ALOX5AP: variants seen among roughly 807,000 people sequenced by gnomAD.
ALOX5AP encodes the protein arachidonate 5-lipoxygenase activating protein.
ALOX5AP carries 9 observed loss-of-function variants against 18.5 expected under a neutral mutation model. The ratio of observed to expected loss-of-function variants is 0.49; its 90% CI spans 0.29 to 0.85. The LOEUF is 0.85. Ranked by LOEUF, ALOX5AP falls within the 40% of genes least tolerant of loss-of-function variation. The pLI is 0.08. For synonymous variants in ALOX5AP, 81 were observed against 78.6 expected (o/e 1.03, Z -0.16); for missense variants, 172 against 202.5 (o/e 0.85, Z 0.91).
intron 4 of ALOX5AP, among the ~76,000 whole-genome samples, chr13:30,760,933 A>T (rs867445522): frequency 6.6e-6 from 1 of 152,012 alleles, no homozygotes; most frequent in African/African-American, 2.4e-5. Flanking sequence ...AACATGAAAG[A>T]GATGTCCTCC....
chr13:30,748,474 A>G (rs906617579), intron 2 of ALOX5AP, among the ~76,000 whole-genome samples: 7 of 152,238 alleles, frequency 4.6e-5, no homozygotes, highest in Admixed American at 4.6e-4. Context: ...CAGCACATCA[A>G]GTTGAACATA....
At chr13:30,717,917 G>A (rs9742796) in intron 1 of ALOX5AP, among the ~76,000 whole-genome samples, 26,433 of 151,800 alleles carry the variant, frequency 0.17, 3,357 homozygotes, top group African/African-American at 0.35. Flanking sequence ...TTGACGGGCA[G>A]GTGAAAGGGG....
intron 1 of ALOX5AP, among the ~76,000 whole-genome samples, chr13:30,720,797 T>C (rs1020034835): frequency 2.0e-5 from 3 of 152,236 alleles, no homozygotes; most frequent in Admixed American, 2.0e-4. Context: ...TCCTTGCATG[T>C]TGCAAAATTT....
At position 30,764,375 on chromosome 13, in the gene ALOX5AP, G is replaced by C. The variant is rs1351900452; in HGVS notation, c.*269G>C. 1 of 365,880 alleles carries C rather than the reference G, an allele frequency of 2.7e-6. No individual in the cohort carries two copies. Among genetic ancestry groups the C allele is most frequent in the Non-Finnish European group, 4.9e-6 (1 of 204,826 alleles). The allele number at this position is 365,880 out of a possible 1,614,324, so 22.7% of individuals were successfully genotyped here. A position where few individuals can be genotyped will look rare whatever the true frequency, so the allele number is the denominator to read the frequency against. ...ATCCTGTTCTCTGAAGATGTTTTGT[G>C]ACCAGGTTTGTGTTTTCTTAAAATA... On this transcript the variant is annotated 3_prime_UTR_variant, in exon 5 of 5. Transcript: ENST00000380490.
At chr13:30,736,643 C>T (rs1951724328) in intron 1 of ALOX5AP, among the ~76,000 whole-genome samples, 1 of 152,318 alleles carries the variant, frequency 6.6e-6, no homozygotes, top group African/African-American at 2.4e-5. Flanking sequence ...TGAGTGTGGA[C>T]AGATGCTGGT....
At chr13:30,745,684 A>C (rs1214278563) in intron 2 of ALOX5AP, among the ~76,000 whole-genome samples, 1 of 152,228 alleles carries the variant, frequency 6.6e-6, no homozygotes, top group African/African-American at 2.4e-5. Context: ...TTTGGAGGAG[A>C]GTACAGAAAT....
chr13:30,764,281 C>A lies in ALOX5AP; in HGVS notation c.*175C>A. ...CGGGAACAAAATGATGTCATGTCAGCTCCGCCCCTTGAACATGACCGTGGC... is the reference window on the plus strand; with the variant it reads ...CGGGAACAAAATGATGTCATGTCAGATCCGCCCCTTGAACATGACCGTGGC... On this transcript the variant is annotated 3_prime_UTR_variant, in exon 5 of 5. Transcript: ENST00000380490. 3 of 651,786 alleles carry A rather than the reference C, an allele frequency of 4.6e-6. No homozygotes were observed. Among genetic ancestry groups the A allele is most frequent in the Non-Finnish European group, 7.4e-6 (3 of 407,668 alleles). 40.4% of individuals were successfully genotyped at this position (651,786 alleles called of 1,614,324 possible).
At chr13:30,713,898 T>C (rs1951528764) in intron 1 of ALOX5AP, 2 of 1,516,464 alleles carry the variant, frequency 1.3e-6, no homozygotes, top group African/African-American at 2.8e-5. Context: ...CCATGCCTCC[T>C]ACAAATTTGA....
At chr13:30,725,026 G>A (rs545985370) in intron 1 of ALOX5AP, among the ~76,000 whole-genome samples, 24 of 152,306 alleles carry the variant, frequency 1.6e-4, no homozygotes, top group African/African-American at 5.8e-4. Flanking sequence ...GCTAGCTGAG[G>A]CACTACATCT....
At chr13:30,762,071 A>G (rs1951946580) in intron 4 of ALOX5AP, among the ~76,000 whole-genome samples, 1 of 152,214 alleles carries the variant, frequency 6.6e-6, no homozygotes, top group Non-Finnish European at 1.5e-5. Flanking sequence ...GCCAAGGAAC[A>G]GGGCTGGTGT....
chr13:30,721,074 C>G (rs1951589766), intron 1 of ALOX5AP, among the ~76,000 whole-genome samples: 1 of 152,194 alleles, frequency 6.6e-6, no homozygotes, highest in Admixed American at 6.5e-5. Flanking sequence ...AGTTCTCCAG[C>G]CATTGCACAG....
intron 2 of ALOX5AP, among the ~76,000 whole-genome samples, chr13:30,750,975 C>T (rs1408113335): frequency 6.6e-6 from 1 of 152,204 alleles, no homozygotes; most frequent in Non-Finnish European, 1.5e-5. Flanking sequence ...CCTAGAAGTT[C>T]CAGAAGGATT....
upstream of ALOX5AP, among the ~76,000 whole-genome samples, chr13:30,734,879 T>C (rs1951708031): frequency 2.0e-5 from 3 of 152,242 alleles, no homozygotes; most frequent in African/African-American, 7.2e-5. Flanking sequence ...TCAAACCTTA[T>C]GTGGCTGCTA....
chr13:30,761,112 G>C (rs1244715688), intron 4 of ALOX5AP, among the ~76,000 whole-genome samples: 1 of 152,194 alleles, frequency 6.6e-6, no homozygotes, highest in Non-Finnish European at 1.5e-5. Flanking sequence ...AAACTTCAGA[G>C]ACTTAAAGGT....
intron 1 of ALOX5AP, among the ~76,000 whole-genome samples, chr13:30,725,458 A>T (rs1951632017): frequency 6.6e-6 from 1 of 152,240 alleles, no homozygotes; most frequent in Non-Finnish European, 1.5e-5. Flanking sequence ...GGGCAGGGCT[A>T]TGTATGGACA....
chr13:30,723,683 A>G lies in ALOX5AP; in HGVS notation c.116+9842A>G, dbSNP rs148422373. 4.5e-3 allele frequency among the ~76,000 whole-genome samples: 689 copies of G among 152,352 alleles called. 7 individuals are homozygous for G. The highest frequency in any genetic ancestry group is 0.016 in the African/African-American group (662 of 41,580). On this transcript the variant is annotated intron_variant, in intron 1 of 5. Transcript: ENST00000617770. ...TTCCTTTATTAAATCCTTATTAAAT[A>G]AAGTTATTTATGTTTCTATGAAACT...
Position 30,740,417 on chromosome 13 carries a change from C to T in ALOX5AP, c.71-3643C>T, listed in dbSNP as rs1309551171. ...TAGTTAAAGTAGCTAGCAGTGCCCA[C>T]GTACGGCGGATGCCTCACAACGGTT... On this transcript the variant is annotated intron_variant, in intron 1 of 4. Coordinates refer to ENST00000380490, the MANE Select transcript of ALOX5AP (RefSeq NM_001629.4). 2.0e-5 allele frequency among the ~76,000 whole-genome samples: 3 copies of T among 152,224 alleles called. No individual in the cohort carries two copies. The East Asian group carries it at 5.8e-4, about 29-fold the overall frequency.
At chr13:30,754,360 C>T (rs1461584042) in intron 3 of ALOX5AP, among the ~76,000 whole-genome samples, 1 of 152,172 alleles carries the variant, frequency 6.6e-6, no homozygotes, top group Non-Finnish European at 1.5e-5. Flanking sequence ...TGATTGGAGG[C>T]AAATCCAAGG....
At chr13:30,733,616 A>C (rs938816507), upstream of ALOX5AP, among the ~76,000 whole-genome samples, 11 of 152,218 alleles carry the variant, frequency 7.2e-5, no homozygotes, top group African/African-American at 2.7e-4. Flanking sequence ...GTAGCTGGTA[A>C]AATGTTTTTT....
Sources: allele counts gnomAD v4.1 joint callset (sites outside exome capture counted in the v4.1 genomes callset), GRCh38; gene constraint gnomAD v4.1.1; transcripts MANE v1.5; gene names NCBI Gene and HGNC (gene_info 2026-07-23, HGNC 2026-07-21).